The following KCNN2 variants were observed in gnomAD, a reference collection of about 807,000 sequenced individuals.
KCNN2 encodes the protein small conductance calcium-activated potassium channel protein 2.
In KCNN2, 24 loss-of-function variants were observed where a neutral mutation model predicts 55.5. The observed-to-expected ratio is 0.43, with a 90% CI of 0.31 to 0.61. KCNN2 has a LOEUF of 0.61. Among genes scored for constraint, KCNN2 ranks in the 20% least tolerant of loss-of-function variants. KCNN2 has a pLI of 0.08. For synonymous variants in KCNN2, 431 were observed against 336.1 expected (o/e 1.28, Z -3.09); for missense variants, 754 against 853.6 (o/e 0.88, Z 1.45).
At chr5:114,270,307 A>G (rs1374497643) in intron 2 of KCNN2, among the ~76,000 whole-genome samples, 2 of 152,230 alleles carry the variant, frequency 1.3e-5, no homozygotes, top group Non-Finnish European at 2.9e-5. Context: ...CAATCCTGAC[A>G]TTTATATCAA....
At chr5:114,195,010 G>A (rs1183126731) in intron 1 of KCNN2, among the ~76,000 whole-genome samples, 1 of 151,664 alleles carries the variant, frequency 6.6e-6, no homozygotes, top group African/African-American at 2.4e-5. Context: ...TAGTGTAAAG[G>A]TTTTGTTGTG....
chr5:114,247,554 A>G (rs556512752), intron 2 of KCNN2, among the ~76,000 whole-genome samples: 5 of 152,342 alleles, frequency 3.3e-5, no homozygotes, highest in African/African-American at 1.2e-4. Context: ...TTGAAAGTAG[A>G]TTAAGTATCC....
At position 114,362,829 on chromosome 5, in the gene KCNN2, C is replaced by T. The variant is rs757329364; in HGVS notation, c.690C>T (p.Ser230=). 2 of 1,599,202 alleles carry T rather than the reference C, an allele frequency of 1.3e-6. No homozygotes were observed. Among genetic ancestry groups the T allele is most frequent in the Non-Finnish European group, 1.7e-6 (2 of 1,178,270 alleles). The change falls in exon 1 of 8, where the codon AGC becomes AGT. Residue 230 remains serine, a synonymous_variant. Transcript: ENST00000673685. ...TCATGCGGCCGCTCAGCAACTTGAGCGCGTCCCGCCGGAACCTGCACGAGA... is the reference window on the plus strand; with the variant it reads ...TCATGCGGCCGCTCAGCAACTTGAGTGCGTCCCGCCGGAACCTGCACGAGA... ...GGVMRPLSNL[S]ASRRNLHEMD... is the part of the protein sequence containing the mutation.
chr5:114,181,891 G>A (rs1336806629), intron 1 of KCNN2, among the ~76,000 whole-genome samples: 1 of 152,154 alleles, frequency 6.6e-6, no homozygotes, highest in African/African-American at 2.4e-5. Context: ...GCGCACGCCT[G>A]TAGTCCCAAC....
At chr5:114,363,451 G>T (rs1055890186) in intron 1 of KCNN2, among the ~76,000 whole-genome samples, 190 bp downstream of exon 1, 2 of 152,216 alleles carry the variant, frequency 1.3e-5, no homozygotes, top group African/African-American at 4.8e-5. Context: ...AACCCTTTCC[G>T]CGTGCAGCCA....
At chr5:114,320,368 C>T (rs537746860) in intron 2 of KCNN2, among the ~76,000 whole-genome samples, 1 of 152,212 alleles carries the variant, frequency 6.6e-6, no homozygotes, top group South Asian at 2.1e-4. Flanking sequence ...AATCCCAGCA[C>T]TTTGGGAGGC....
chr5:114,301,406 G>A (rs150671288), intron 2 of KCNN2, among the ~76,000 whole-genome samples: 78 of 152,194 alleles, frequency 5.1e-4, no homozygotes, highest in Non-Finnish European at 9.6e-4. Flanking sequence ...TTCTGTCATC[G>A]CATGCCTCCC....
At chr5:114,284,109 C>CT (rs1225551552) in intron 2 of KCNN2, among the ~76,000 whole-genome samples, 1 of 152,154 alleles carries the variant, frequency 6.6e-6, no homozygotes, top group Non-Finnish European at 1.5e-5. Context: ...CTCTCAGGTG[C>CT]TTTTTCTACA....
intron 2 of KCNN2, among the ~76,000 whole-genome samples, chr5:114,227,994 CGATGATGATGAT>C (rs67331767): frequency 0.02 from 2,960 of 151,520 alleles, 88 homozygotes; most frequent in African/African-American, 0.065. Flanking sequence ...ATGATGATGA[CGATGATGATGAT>C]GATGATGATG....
At chr5:114,401,860 T>G (rs929505447) in intron 2 of KCNN2, among the ~76,000 whole-genome samples, 4 of 152,340 alleles carry the variant, frequency 2.6e-5, no homozygotes, top group African/African-American at 9.6e-5. Context: ...AAAACCAGAT[T>G]GCAGAATGGC....
At chr5:114,173,261 G>C (rs990559528) in intron 1 of KCNN2, among the ~76,000 whole-genome samples, 1 of 151,832 alleles carries the variant, frequency 6.6e-6, no homozygotes. Context: ...TTTGTTTCAG[G>C]GTTCTCTATT....
chr5:114,465,172 A>G (rs1360705121), intron 4 of KCNN2, among the ~76,000 whole-genome samples: 1 of 152,114 alleles, frequency 6.6e-6, no homozygotes, highest in Non-Finnish European at 1.5e-5. Flanking sequence ...GGGTTTTACA[A>G]AATGTTTATC....
intron 1 of KCNN2, among the ~76,000 whole-genome samples, chr5:114,090,763 T>C (rs1018275221): frequency 6.6e-6 from 1 of 152,162 alleles, no homozygotes; most frequent in Non-Finnish European, 1.5e-5. Context: ...AGCAATCTTC[T>C]GTGGAGACTT....
At chr5:114,280,689 C>T (rs1755606165) in intron 2 of KCNN2, among the ~76,000 whole-genome samples, 1 of 152,174 alleles carries the variant, frequency 6.6e-6, no homozygotes, top group Admixed American at 6.5e-5. Flanking sequence ...CTGCAGTAGC[C>T]TGGTAATGGT....
chr5:114,300,584 T>C (rs931073500), intron 2 of KCNN2, among the ~76,000 whole-genome samples: 1 of 152,208 alleles, frequency 6.6e-6, no homozygotes. Context: ...TCTTAAAGAA[T>C]AAGTAGAAGT....
At chr5:114,178,075 A>G (rs1392189405) in intron 1 of KCNN2, among the ~76,000 whole-genome samples, 1 of 152,200 alleles carries the variant, frequency 6.6e-6, no homozygotes, top group East Asian at 1.9e-4. Flanking sequence ...TATTCTTCCT[A>G]TTCACTGCCT....
intron 1 of KCNN2, among the ~76,000 whole-genome samples, chr5:114,077,248 T>C (rs1750702036): frequency 6.6e-6 from 1 of 152,228 alleles, no homozygotes; most frequent in Admixed American, 6.5e-5. Flanking sequence ...GGACTTTCAG[T>C]GGAAACTTAC....
At chr5:114,076,102 C>T (rs1259184260) in intron 1 of KCNN2, among the ~76,000 whole-genome samples, 22 of 152,238 alleles carry the variant, frequency 1.4e-4, no homozygotes, top group Non-Finnish European at 5.9e-5. Context: ...GAATTCCGCT[C>T]TTCTTTAAAT....
chr5:114,266,599 C>A (rs1401276843), intron 2 of KCNN2, among the ~76,000 whole-genome samples: 1 of 152,164 alleles, frequency 6.6e-6, no homozygotes, highest in East Asian at 1.9e-4. Context: ...CTACTTCCTG[C>A]TCTGCATTAC....
Sources: gnomAD v4.1 joint callset for allele counts (sites outside exome capture counted in the v4.1 genomes callset) on GRCh38, gnomAD v4.1.1 for gene constraint, MANE v1.5 for transcripts, NCBI Gene and HGNC (gene_info 2026-07-23, HGNC 2026-07-21) for gene names.